The following HAX1 variants were observed in gnomAD, a reference collection of about 807,000 sequenced individuals.
HAX1 encodes the protein HCLS1-associated protein X-1.
In HAX1, 27 loss-of-function variants were observed where a neutral mutation model predicts 31.1. The ratio of observed to expected loss-of-function variants is 0.87; its 90% CI spans 0.64 to 1.20. HAX1 has a LOEUF of 1.20. Among genes scored for constraint, HAX1 ranks in the 50% most tolerant of loss-of-function variants. The pLI is 0.00. For synonymous variants in HAX1, 114 were observed against 124.1 expected, an observed-to-expected ratio of 0.92 and a Z score of 0.54; for missense variants, 357 against 361.6, an observed-to-expected ratio of 0.99 and a Z score of 0.10.
Position 154,273,886 on chromosome 1 carries a change from G to T in HAX1, c.429G>T (p.Gly143=), listed in dbSNP as rs764127512. 3.7e-6 allele frequency: 6 copies of T among 1,614,120 alleles called. No homozygotes were observed. The South Asian group carries it at 6.6e-5, about 18-fold the overall frequency. Residue 143 remains glycine, a synonymous_variant, in exon 3 of 7, where the codon GGG becomes GGT. Transcript: ENST00000328703. ...PDSHQPRIFG[G]VLESDARSES... ...GTCACCAGCCCAGGATCTTTGGGGGGGTCTTGGAGAGTGATGCAAGAAGTG... is the reference window on the plus strand; with the variant it reads ...GTCACCAGCCCAGGATCTTTGGGGGTGTCTTGGAGAGTGATGCAAGAAGTG...
chr1:154,275,806 A>G lies in HAX1; in HGVS notation c.*105A>G. On this transcript the variant is annotated 3_prime_UTR_variant, in exon 7 of 7. Transcript: ENST00000328703. ...CCACCTCAGGGGCTTGGATATGTGG[A>G]ATAGTGAACTGGGGCCATGTCAGTT... 1 of 771,200 alleles carries G rather than the reference A, an allele frequency of 1.3e-6. No individual in the cohort carries two copies. The highest frequency in any genetic ancestry group is 2.0e-5 in the Admixed American group (1 of 50,440). The allele number at this position is 771,200 out of a possible 1,614,324, so 47.8% of individuals were successfully genotyped here. A position where few individuals can be genotyped will look rare whatever the true frequency, so the allele number is the denominator to read the frequency against.
Position 154,273,365 on chromosome 1 carries a change from C to T in HAX1, c.83C>T (p.Thr28Ile). 1 of 1,613,690 alleles carries T rather than the reference C, an allele frequency of 6.2e-7. No individual in the cohort carries two copies. Among genetic ancestry groups the T allele is most frequent in the South Asian group, 1.1e-5 (1 of 91,056 alleles). ...AGAGATCCCTTTTTTGGAGGGATGA[C>T]TCGAGATGAAGATGATGATGAGGAA... ...SHRDPFFGGM[T>I]RDEDDDEEEE... The change falls in exon 2 of 7, where the codon ACT becomes ATT. Residue 28 changes from threonine to isoleucine, a missense_variant. By Grantham distance (89) the Thr-to-Ile change is moderately conservative (BLOSUM62 -1). Transcript: ENST00000328703.
intron 1 of HAX1, chr1:154,273,110 G>A: frequency 3.4e-6 from 2 of 594,814 alleles, no homozygotes; most frequent in Non-Finnish European, 5.9e-6. Flanking sequence ...ACTGGGGGAA[G>A]GTGTATGAAG....
In HAX1 at chr1:154,273,286, T is replaced by C. The variant is rs992235279; in HGVS notation, c.54-50T>C. On this transcript the variant is annotated intron_variant, in intron 1 of 6. Coordinates refer to ENST00000328703, the MANE Select transcript of HAX1 (RefSeq NM_006118.4). Reference sequence around the variant, plus strand: ...CTTTGCCACCCATGAGTTGATTTAATGGCTTAAATAGTGCTGAAATATTGG... The same window carrying C: ...CTTTGCCACCCATGAGTTGATTTAACGGCTTAAATAGTGCTGAAATATTGG... 7.4e-6 allele frequency: 12 copies of C among 1,610,944 alleles called. No individual in the cohort carries two copies. In the African/African-American group the frequency reaches 1.6e-4, roughly 22 times the overall value.
Position 154,275,801 on chromosome 1 carries a change from T to G in HAX1, c.*100T>G. 1.3e-6 allele frequency: 1 copy of G among 786,560 alleles called. No individual in the cohort carries two copies. The highest frequency in any genetic ancestry group is 1.4e-5 in the South Asian group (1 of 69,738). 48.7% of individuals were successfully genotyped at this position (786,560 alleles called of 1,614,324 possible). A position where few individuals can be genotyped will look rare whatever the true frequency, so the allele number is the denominator to read the frequency against. On this transcript the variant is annotated 3_prime_UTR_variant, in exon 7 of 7. Coordinates refer to ENST00000328703, the MANE Select transcript of HAX1 (RefSeq NM_006118.4). ...TCTTGCCACCTCAGGGGCTTGGATA[T>G]GTGGAATAGTGAACTGGGGCCATGT...
chr1:154,274,017 G>A, intron 3 of HAX1, 56 bp downstream of exon 3: 1 of 1,495,052 alleles, frequency 6.7e-7, no homozygotes, highest in Non-Finnish European at 9.3e-7. Flanking sequence ...CTAATAAAGT[G>A]CAAAGACTGG....
chr1:154,272,755 T>C lies in HAX1; in HGVS notation c.32T>C (p.Phe11Ser). The change falls in exon 1 of 7, where the codon TTC becomes TCC. Residue 11 changes from phenylalanine to serine, a missense_variant. Coordinates refer to ENST00000328703, the MANE Select transcript of HAX1 (RefSeq NM_006118.4). MSLFDLFRGF[F>S]GFPGPRSHRD... Reference sequence around the variant, plus strand: ...CTCTTTGATCTCTTCCGGGGCTTTTTCGGCTTTCCTGGACCTCGGAGGTGA... The same window carrying C: ...CTCTTTGATCTCTTCCGGGGCTTTTCCGGCTTTCCTGGACCTCGGAGGTGA... 6.2e-7 allele frequency: 1 copy of C among 1,614,212 alleles called. No homozygotes were observed. The highest frequency in any genetic ancestry group is 8.5e-7 in the Non-Finnish European group (1 of 1,180,042).
At position 154,275,432 on chromosome 1, in the gene HAX1, C is replaced by G. The variant is rs373783109; in HGVS notation, c.703C>G (p.Arg235Gly). Residue 235 changes from arginine to glycine, a missense_variant, in exon 6 of 7, where the codon CGG becomes GGG. By Grantham distance (125) the Arg-to-Gly change is moderately radical (BLOSUM62 -2). Transcript: ENST00000328703. ...CCGGACTGTGGTGGACAGTGAGGGC[C>G]GGACAGAGACTACAGTAACCCGACA... ...ERRTVVDSEG[R>G]TETTVTRHEA... 2.5e-6 allele frequency: 4 copies of G among 1,613,904 alleles called. No individual in the cohort carries two copies. Among genetic ancestry groups the G allele is most frequent in the Non-Finnish European group, 3.4e-6 (4 of 1,179,998 alleles).
intron 6 of HAX1, 60 bp from the exon 7 acceptor site, chr1:154,275,556 C>G (rs2149140796): frequency 6.3e-7 from 1 of 1,575,286 alleles, no homozygotes; most frequent in Admixed American, 1.7e-5. Flanking sequence ...TACCCTTGTC[C>G]TTTGCTTCTG....
chr1:154,274,153 C>CA (rs1172833623), intron 3 of HAX1, among the ~76,000 whole-genome samples, 192 bp downstream of exon 3: 1 of 151,948 alleles, frequency 6.6e-6, no homozygotes, highest in Non-Finnish European at 1.5e-5. Flanking sequence ...ACTAAAAATA[C>CA]AAAAAATTAG....
rs767652494 is a variant in HAX1 at position 154,274,906 on chromosome 1, C to T, written c.505-44C>T. 2.0e-6 allele frequency: 3 copies of T among 1,468,996 alleles called. No homozygotes were observed. The South Asian group carries it at 3.4e-5, about 17-fold the overall frequency. 91.0% of individuals were successfully genotyped at this position (1,468,996 alleles called of 1,614,324 possible). Reference sequence around the variant, plus strand: ...TTGAGGTCTATGACCTTTCAAATTTCAGATTGGAAGGAGTCTTTTCACTTA... The same window carrying T: ...TTGAGGTCTATGACCTTTCAAATTTTAGATTGGAAGGAGTCTTTTCACTTA... On this transcript the variant is annotated intron_variant, in intron 3 of 6. Coordinates refer to ENST00000328703, the MANE Select transcript of HAX1 (RefSeq NM_006118.4).
chr1:154,273,418 C>T lies in HAX1; in HGVS notation c.136C>T (p.Arg46Cys), dbSNP rs1170911395. The change falls in exon 2 of 7, where the codon CGT becomes TGT. Residue 46 changes from arginine (R) to cysteine (C), a missense_variant. By Grantham distance (180) the Arg-to-Cys change is radical. Coordinates refer to ENST00000328703, the MANE Select transcript of HAX1 (RefSeq NM_006118.4). The part of the protein sequence containing the change: ...EEEEEGGSWG[R>C]GNPRFHSPQH... ...AGAAGAAGAAGGGGGCTCATGGGGCCGTGGGAACCCAAGGTTCCATAGTCC... is the reference window on the plus strand; with the variant it reads ...AGAAGAAGAAGGGGGCTCATGGGGCTGTGGGAACCCAAGGTTCCATAGTCC... The T allele has an allele frequency of 4.3e-6, 7 of 1,613,898 alleles. No homozygotes were observed. Among genetic ancestry groups the T allele is most frequent in the South Asian group, 3.3e-5 (3 of 91,088 alleles).
chr1:154,275,507 C>A, intron 6 of HAX1, 24 bp downstream of exon 6: 1 of 1,595,822 alleles, frequency 6.3e-7, no homozygotes, highest in South Asian at 1.1e-5. Context: ...CAAAGGGGTT[C>A]ATCTCAAGAT....
At chr1:154,274,033 T>G (rs1367063659) in intron 3 of HAX1, 72 bp downstream of exon 3, 3 of 1,401,296 alleles carry the variant, frequency 2.1e-6, no homozygotes, top group Non-Finnish European at 3.0e-6. Flanking sequence ...ACTGGCTAGG[T>G]GCGGTGGCTC....
chr1:154,272,874 T>C (rs1187231421), intron 1 of HAX1, 98 bp downstream of exon 1: 16 of 1,033,346 alleles, frequency 1.5e-5, no homozygotes, highest in Non-Finnish European at 2.4e-5. Context: ...TCCCACTCCT[T>C]CAACTCCTGC....
chr1:154,273,116 T>C (rs1281176268), intron 1 of HAX1: 11 of 596,398 alleles, frequency 1.8e-5, no homozygotes, highest in Admixed American at 3.2e-5. Context: ...GGAAGGTGTA[T>C]GAAGGGAGCT....
In HAX1 at chr1:154,273,858, A is replaced by G; in HGVS notation, c.401A>G (p.Asp134Gly). The change falls in exon 3 of 7, where the codon GAT becomes GGT. Residue 134 changes from aspartate to glycine, a missense_variant. Coordinates refer to ENST00000328703, the MANE Select transcript of HAX1 (RefSeq NM_006118.4). ...CGGGACTCAATGCTTAAGTATCCAG[A>G]TAGTCACCAGCCCAGGATCTTTGGG... Reference protein sequence around the residue: ...TLRDSMLKYPDSHQPRIFGGV... With the variant: ...TLRDSMLKYPGSHQPRIFGGV... 1 of 1,614,072 alleles carries G rather than the reference A, an allele frequency of 6.2e-7. No homozygotes were observed. Among genetic ancestry groups the G allele is most frequent in the Admixed American group, 1.7e-5 (1 of 60,012 alleles).
intron 5 of HAX1, 33 bp downstream of exon 5, chr1:154,275,293 G>A (rs1159151306): frequency 1.9e-6 from 3 of 1,559,080 alleles, no homozygotes; most frequent in Admixed American, 1.7e-5. Flanking sequence ...AGGAAAGTAT[G>A]GCCAGGGAAC....
chr1:154,272,829 A>T, intron 1 of HAX1, 53 bp downstream of exon 1: 4 of 1,491,764 alleles, frequency 2.7e-6, no homozygotes, highest in Non-Finnish European at 3.7e-6. Context: ...GGGGAGCTTG[A>T]CCCCTACGTC....
Sources: gnomAD v4.1 joint callset for allele counts (sites outside exome capture counted in the v4.1 genomes callset) on GRCh38, gnomAD v4.1.1 for gene constraint, MANE v1.5 for transcripts, NCBI Gene and HGNC (gene_info 2026-07-23, HGNC 2026-07-21) for gene names.